The following TRIM4 variants were observed in gnomAD, a reference collection of about 807,000 sequenced individuals.
TRIM4 encodes the protein tripartite motif containing 4, also known as E3 ubiquitin-protein ligase TRIM4.
Under a neutral mutation model 33.7 loss-of-function variants are expected in TRIM4, and 29 were observed. The ratio of observed to expected loss-of-function variants is 0.86; its 90% CI spans 0.64 to 1.17. The LOEUF (loss-of-function observed/expected upper bound fraction) is 1.17. Among genes scored for constraint, TRIM4 ranks in the 50% most tolerant of loss-of-function variants. The pLI is 0.00. For synonymous variants in TRIM4, 224 were observed against 233.0 expected (o/e 0.96, Z 0.35); for missense variants, 554 against 593.7 (o/e 0.93, Z 0.69).
rs544095744 is a variant in TRIM4, at chr7:99,892,312, G to C, written c.1276C>G (p.Arg426Gly). 3.1e-6 allele frequency: 5 copies of C among 1,614,032 alleles called. No homozygotes were observed. The Admixed American group carries it at 5.0e-5, about 16-fold the overall frequency. Residue 426 changes from arginine (R) to glycine (G), a missense_variant, in exon 6 of 6, where the codon CGT (arginine) becomes GGT (glycine). Transcript: ENST00000349062. Reference protein sequence around the residue: ...ALHRVGVYLDRGTGNVSFYSA... With the variant: ...ALHRVGVYLDGGTGNVSFYSA... Reference sequence around the variant, plus strand: ...TAGAAGGAGACATTCCCAGTCCCACGATCCAGGTAAACCCCCACTCGGTGG... The same window carrying C: ...TAGAAGGAGACATTCCCAGTCCCACCATCCAGGTAAACCCCCACTCGGTGG...
At chr7:99,913,445 G>A (rs1416617785) in intron 1 of TRIM4, among the ~76,000 whole-genome samples, 1 of 152,116 alleles carries the variant, frequency 6.6e-6, no homozygotes, top group Non-Finnish European at 1.5e-5. Context: ...AAGGCGGGCA[G>A]ATTACGAGGT....
chr7:99,893,593 T>G (rs147113938), intron 5 of TRIM4, among the ~76,000 whole-genome samples: 1 of 152,356 alleles, frequency 6.6e-6, no homozygotes, highest in Admixed American at 6.5e-5. Context: ...TGCAGACATC[T>G]TGCCTTCTAT....
intron 1 of TRIM4, among the ~76,000 whole-genome samples, chr7:99,911,185 C>G (rs925723831): frequency 6.6e-6 from 1 of 152,058 alleles, no homozygotes; most frequent in African/African-American, 2.4e-5. Context: ...GCAGTTGGAG[C>G]CTTGGGTGAG....
chr7:99,893,040 C>A (rs1351894919), intron 5 of TRIM4, among the ~76,000 whole-genome samples: 1 of 152,052 alleles, frequency 6.6e-6, no homozygotes, highest in South Asian at 2.1e-4. Context: ...CTGGAGGTCA[C>A]GAGAGTGAGA....
rs968952205 is a variant in TRIM4 at position 99,890,587 on chromosome 7, G to C, written c.*1576C>G. On this transcript the variant is annotated 3_prime_UTR_variant, in exon 6 of 6. Transcript: ENST00000349062. ...CTTTGCAGCAACATGGATGGAGCTG[G>C]AGGCCATTACCCTAAGCAAACCAAC... is the stretch of plus-strand genomic sequence containing the variant. 1.3e-5 allele frequency: 2 copies of C among 152,180 alleles called. No individual in the cohort carries two copies. The highest frequency in any genetic ancestry group is 4.8e-5 in the African/African-American group (2 of 41,422). The allele number at this position is 152,180 out of a possible 1,614,324, so 9.4% of individuals were successfully genotyped here. A position where few individuals can be genotyped will look rare whatever the true frequency, so the allele number is the denominator to read the frequency against.
chr7:99,914,048 G>A (rs1485635599), intron 1 of TRIM4, among the ~76,000 whole-genome samples: 1 of 152,158 alleles, frequency 6.6e-6, no homozygotes, highest in Non-Finnish European at 1.5e-5. Context: ...AAGCTGGTAG[G>A]TGTACTTTGG....
At chr7:99,896,247 T>C (rs1462770974) in intron 5 of TRIM4, among the ~76,000 whole-genome samples, 1 of 152,178 alleles carries the variant, frequency 6.6e-6, no homozygotes, top group Non-Finnish European at 1.5e-5. Flanking sequence ...ACAATGACCC[T>C]ATGGTCCAAG....
chr7:99,909,133 G>GGGGT (rs1554452958), intron 2 of TRIM4, among the ~76,000 whole-genome samples: 8 of 148,512 alleles, frequency 5.4e-5, no homozygotes, highest in South Asian at 2.2e-4. Context: ...GGAGTGTGAG[G>GGGGT]GTGTGTGTGT....
intron 5 of TRIM4, 38 bp downstream of exon 5, chr7:99,903,180 A>G (rs1490821443): frequency 6.7e-7 from 1 of 1,483,658 alleles, no homozygotes; most frequent in Non-Finnish European, 9.3e-7. Flanking sequence ...TATTTGAAAG[A>G]TTTCTAAGGA....
rs916824880 is a variant in TRIM4, at chr7:99,919,094, C to A, written c.308G>T (p.Arg103Leu). The A allele has an allele frequency of 6.5e-7, 1 of 1,538,186 alleles. No homozygotes were observed. The highest frequency in any genetic ancestry group is 8.7e-7 in the Non-Finnish European group (1 of 1,143,022). ...PLRLFCEDDQ[R>L]PVCLVCRESQ... is the part of the protein sequence containing the mutation. The stretch of plus-strand genomic sequence containing the variant: ...CTCCCTGCACACCAGGCACACTGGC[C>A]GCTGGTCGTCCTCGCAGAAGAGCCG... Residue 103 changes from arginine to leucine, a missense_variant, in exon 1 of 6, where the codon CGG becomes CTG. Arg to Leu is a moderately radical substitution (Grantham distance 102). Coordinates refer to ENST00000349062, the MANE Select transcript of TRIM4 (RefSeq NM_033091.3).
Position 99,892,575 on chromosome 7 carries a change from T to C in TRIM4, c.1013A>G (p.Gln338Arg). ...TTTTCCCAGAACACAGGGTAAGTGC[T>C]GAAATCTCTCTACAAAAGCAGTCTT... is the stretch of plus-strand genomic sequence containing the variant. Reference protein sequence around the residue: ...PQKTAFVERFQHLPCVLGKNV... With the variant: ...PQKTAFVERFRHLPCVLGKNV... The change falls in exon 6 of 6, where the codon CAG becomes CGG. Residue 338 changes from glutamine (Q) to arginine (R), a missense_variant. Gln to Arg is a conservative substitution (Grantham distance 43). This residue lies in a region of TRIM4 where 290 missense variants were observed against 335.8 expected (regional missense o/e 0.86). Coordinates refer to ENST00000349062, the MANE Select transcript of TRIM4 (RefSeq NM_033091.3). 6.2e-7 allele frequency: 1 copy of C among 1,614,216 alleles called. No homozygotes were observed. Among genetic ancestry groups the C allele is most frequent in the Non-Finnish European group, 8.5e-7 (1 of 1,180,030 alleles).
intron 1 of TRIM4, among the ~76,000 whole-genome samples, chr7:99,913,799 G>T (rs1819496965): frequency 6.6e-6 from 1 of 152,164 alleles, no homozygotes; most frequent in Admixed American, 6.5e-5. Context: ...TTTATAGAAT[G>T]AAGACATTTA....
chr7:99,893,417 G>A (rs1034841182), intron 5 of TRIM4, among the ~76,000 whole-genome samples: 1 of 152,134 alleles, frequency 6.6e-6, no homozygotes, highest in African/African-American at 2.4e-5. Flanking sequence ...TGGTTCTTTG[G>A]CTAGATACAC....
At chr7:99,907,587 T>A (rs1819336765) in intron 3 of TRIM4, among the ~76,000 whole-genome samples, 1 of 152,262 alleles carries the variant, frequency 6.6e-6, no homozygotes. Flanking sequence ...TATTTGGATA[T>A]GTACTTGCAA....
At chr7:99,917,934 C>G in intron 1 of TRIM4, 1 of 822,954 alleles carries the variant, frequency 1.2e-6, no homozygotes, top group Non-Finnish European at 1.5e-6. Flanking sequence ...GAAACAAAAG[C>G]AAGAAAGCCA....
At chr7:99,917,842 A>T (rs1264031575) in intron 1 of TRIM4, 7 of 985,306 alleles carry the variant, frequency 7.1e-6, no homozygotes, top group Non-Finnish European at 7.2e-6. Flanking sequence ...GCTACTCTGG[A>T]AAGGATGATC....
intron 3 of TRIM4, chr7:99,908,352 G>A (rs1330327264): frequency 2.2e-6 from 1 of 461,394 alleles, no homozygotes; most frequent in Non-Finnish European, 3.8e-6. Flanking sequence ...TGAACTATGA[G>A]ACTGTGTGAA....
chr7:99,903,731 C>T, intron 3 of TRIM4, 133 bp from the exon 4 acceptor site: 2 of 943,434 alleles, frequency 2.1e-6, no homozygotes, highest in East Asian at 5.1e-5. Context: ...CCAAAGCCAA[C>T]AGATTGACAG....
At chr7:99,918,249 A>C (rs1375587504) in intron 1 of TRIM4, among the ~76,000 whole-genome samples, 1 of 152,170 alleles carries the variant, frequency 6.6e-6, no homozygotes, top group Non-Finnish European at 1.5e-5. Flanking sequence ...CCAATTTCAG[A>C]CCTATTATGA....
Sources: gnomAD v4.1 joint callset for allele counts (sites outside exome capture counted in the v4.1 genomes callset) on GRCh38, gnomAD v4.1.1 for gene constraint, gnomAD v4.1.1 regional missense constraint, MANE v1.5 for transcripts, NCBI Gene and HGNC (gene_info 2026-07-23, HGNC 2026-07-21) for gene names.